SRPK1: variants seen among roughly 807,000 people sequenced by gnomAD.
SRPK1 encodes the protein SRSF protein kinase 1, also known as SFRS protein kinase 1.
SRPK1 carries 52 observed loss-of-function variants against 89.5 expected under a neutral mutation model. The ratio of observed to expected loss-of-function variants is 0.58; its 90% CI spans 0.46 to 0.73. The LOEUF (loss-of-function observed/expected upper bound fraction) is 0.73, where lower values mean the gene tolerates loss of function less well. SRPK1 is among the 30% of genes least tolerant of loss of function. The pLI is 0.00. For synonymous variants in SRPK1, 255 were observed against 270.2 expected (o/e 0.94, Z 0.55); for missense variants, 603 against 780.6 (o/e 0.77, Z 2.71).
chr6:35,844,090 C>T (rs890369020), intron 13 of SRPK1, among the ~76,000 whole-genome samples: 4 of 150,576 alleles, frequency 2.7e-5, no homozygotes, highest in South Asian at 2.1e-4. Context: ...CTGCAAGCTC[C>T]GCCTCCCAGG....
At chr6:35,870,001 T>C (rs1582007116) in intron 10 of SRPK1, 100 bp from the exon 11 acceptor site, 3 of 1,322,588 alleles carry the variant, frequency 2.3e-6, no homozygotes, top group African/African-American at 2.9e-5. Flanking sequence ...GAACTTATAC[T>C]GAGTGACATA....
chr6:35,920,314 T>G (rs776768167), intron 2 of SRPK1, 154 bp downstream of exon 2: 1 of 777,794 alleles, frequency 1.3e-6, no homozygotes. Flanking sequence ...CTCTTCCACA[T>G]GGTTGCTGGA....
intron 6 of SRPK1, among the ~76,000 whole-genome samples, chr6:35,880,009 T>G (rs993088608): frequency 6.7e-6 from 1 of 149,570 alleles, no homozygotes; most frequent in African/African-American, 2.5e-5. Context: ...TGATGTGAGC[T>G]GTGTTCGCAC....
At chr6:35,848,412 T>C (rs1216009805) in intron 13 of SRPK1, among the ~76,000 whole-genome samples, 2 of 152,134 alleles carry the variant, frequency 1.3e-5, no homozygotes, top group East Asian at 1.9e-4. Flanking sequence ...ACAAAAATAG[T>C]TGGATGTGGT....
At chr6:35,839,661 T>G (rs1581987497) in intron 14 of SRPK1, among the ~76,000 whole-genome samples, 1 of 144,768 alleles carries the variant, frequency 6.9e-6, no homozygotes. Flanking sequence ...TCTCTGCAGG[T>G]GACAGAAGTT....
intron 13 of SRPK1, 114 bp downstream of exon 13, chr6:35,857,147 A>C (rs560057925): frequency 4.0e-5 from 30 of 741,484 alleles, no homozygotes; most frequent in Admixed American, 7.5e-5. Flanking sequence ...ACCTATGGTA[A>C]ATCATCTGTG....
At chr6:35,842,170 C>A (rs896244702) in intron 14 of SRPK1, among the ~76,000 whole-genome samples, 1 of 152,076 alleles carries the variant, frequency 6.6e-6, no homozygotes, top group African/African-American at 2.4e-5. Flanking sequence ...ATTAAAATAA[C>A]TGACCTCTAA....
chr6:35,911,642 G>T, intron 2 of SRPK1, among the ~76,000 whole-genome samples: 1 of 151,552 alleles, frequency 6.6e-6, no homozygotes, highest in Admixed American at 6.6e-5. Context: ...TGTTGCCCAG[G>T]CTGGCCTTGA....
Position 35,870,342 on chromosome 6 carries a change from C to T in SRPK1, c.930G>A (p.Glu310=). 6.2e-7 allele frequency: 1 copy of T among 1,613,346 alleles called. No homozygotes were observed. The highest frequency in any genetic ancestry group is 8.5e-7 in the Non-Finnish European group (1 of 1,179,636). The stretch of plus-strand genomic sequence containing the variant: ...CTTTCAAGGGTCTTTCAACAGGACT[C>T]TCTGATTCTTCTTGCTTGTTTGGTC... ...QKRPNKQEES[E]SPVERPLKEN... The change falls in exon 10 of 16, where the codon GAG becomes GAA. Residue 310 remains glutamate, a synonymous_variant. Transcript: ENST00000373825.
chr6:35,876,838 T>C (rs567678614), intron 6 of SRPK1, among the ~76,000 whole-genome samples: 4 of 152,170 alleles, frequency 2.6e-5, no homozygotes, highest in Non-Finnish European at 4.4e-5. Context: ...ACCCTGGGAT[T>C]GCCCCATCTT....
chr6:35,859,784 C>A (rs527277227), intron 12 of SRPK1, among the ~76,000 whole-genome samples: 1 of 152,020 alleles, frequency 6.6e-6, no homozygotes, highest in African/African-American at 2.4e-5. Flanking sequence ...TATTGTTCAC[C>A]GCTGTGTCCT....
intron 7 of SRPK1, 105 bp from the exon 8 acceptor site, chr6:35,872,833 G>A (rs771476001): frequency 7.1e-5 from 73 of 1,034,476 alleles, no homozygotes; most frequent in Admixed American, 2.3e-4. Context: ...ATATGATAGC[G>A]TTTTCTATAG....
intron 13 of SRPK1, among the ~76,000 whole-genome samples, chr6:35,844,204 C>T (rs1769379829): frequency 6.6e-6 from 1 of 151,850 alleles, no homozygotes; most frequent in African/African-American, 2.4e-5. Context: ...AGGGTTTCAC[C>T]ATGTTAGCCA....
intron 2 of SRPK1, among the ~76,000 whole-genome samples, chr6:35,909,822 T>C (rs955851345): frequency 6.6e-6 from 1 of 152,164 alleles, no homozygotes; most frequent in African/African-American, 2.4e-5. Context: ...CTGCTTCCCC[T>C]TTGCCTTTCA....
intron 6 of SRPK1, among the ~76,000 whole-genome samples, chr6:35,874,809 A>T (rs1001798832): frequency 6.6e-6 from 1 of 152,234 alleles, no homozygotes; most frequent in Non-Finnish European, 1.5e-5. Flanking sequence ...GAAAGACTTA[A>T]ACCTCAAAAA....
intron 2 of SRPK1, among the ~76,000 whole-genome samples, chr6:35,913,406 A>G (rs1771015233): frequency 6.6e-6 from 1 of 152,162 alleles, no homozygotes; most frequent in Non-Finnish European, 1.5e-5. Context: ...ATTCACTTGA[A>G]TCACTCCAAC....
At chr6:35,842,876 A>G (rs1769342267) in intron 13 of SRPK1, among the ~76,000 whole-genome samples, 1 of 152,064 alleles carries the variant, frequency 6.6e-6, no homozygotes, top group African/African-American at 2.4e-5. Flanking sequence ...AAACCCTAGC[A>G]ATTCAGCCCT....
At chr6:35,867,371 T>C (rs560804986) in intron 12 of SRPK1, among the ~76,000 whole-genome samples, 30 of 152,316 alleles carry the variant, frequency 2.0e-4, no homozygotes, top group African/African-American at 7.2e-4. Context: ...CTTTGTTTTT[T>C]CTAAAAGGTT....
At position 35,859,412 on chromosome 6, in the gene SRPK1, C is replaced by A. The variant is rs143384613; in HGVS notation, c.1513-2044G>T. On this transcript the variant is annotated intron_variant, in intron 12 of 15. Transcript: ENST00000373825. Reference sequence around the variant, plus strand: ...CAAAAAAAGAAAAAAGAATAAAAAGCTTAGTACAGTGGTCCATCAGTGTAC... The same window carrying A: ...CAAAAAAAGAAAAAAGAATAAAAAGATTAGTACAGTGGTCCATCAGTGTAC... 3.8e-3 allele frequency among the ~76,000 whole-genome samples: 580 copies of A among 152,206 alleles called. 2 individuals carry two copies. Among genetic ancestry groups the A allele is most frequent in the African/African-American group, 0.013 (545 of 41,520 alleles).
Sources: allele counts gnomAD v4.1 joint callset (sites outside exome capture counted in the v4.1 genomes callset), GRCh38; gene constraint gnomAD v4.1.1; transcripts MANE v1.5; gene names NCBI Gene and HGNC (gene_info 2026-07-23, HGNC 2026-07-21).